CNTN6: variants seen among roughly 807,000 people sequenced by gnomAD.
CNTN6 encodes the protein contactin 6.
CNTN6 carries 137 observed loss-of-function variants against 122.8 expected under a neutral mutation model. The ratio of observed to expected loss-of-function variants is 1.12; its 90% CI spans 0.97 to 1.29. CNTN6 has a LOEUF of 1.29. Ranked by LOEUF, CNTN6 falls within the 50% of genes most tolerant of loss-of-function variation. CNTN6 has a pLI of 0.00. For missense variants in CNTN6, 1,634 were observed against 1,223.4 expected (o/e 1.34, Z -5.01); for synonymous variants, 570 against 426.0 (o/e 1.34, Z -4.16).
chr3:1,305,489 A>C (rs1207101015), intron 7 of CNTN6, among the ~76,000 whole-genome samples: 3 of 152,132 alleles, frequency 2.0e-5, no homozygotes, highest in African/African-American at 7.2e-5. Context: ...AATTAATTGT[A>C]TTGTGAAATA....
chr3:1,262,664 G>A (rs1218377744), intron 4 of CNTN6, among the ~76,000 whole-genome samples: 5 of 152,078 alleles, frequency 3.3e-5, no homozygotes, highest in Admixed American at 3.3e-4. Flanking sequence ...AGGCCTTATG[G>A]CATTGTGCTA....
At chr3:1,119,905 C>G (rs1018081732) in intron 1 of CNTN6, among the ~76,000 whole-genome samples, 2 of 151,980 alleles carry the variant, frequency 1.3e-5, no homozygotes, top group Non-Finnish European at 2.9e-5. Context: ...CATTTCTTGC[C>G]TACAATGACT....
At chr3:1,199,578 TA>T (rs903139303) in intron 2 of CNTN6, among the ~76,000 whole-genome samples, 2 of 151,302 alleles carry the variant, frequency 1.3e-5, no homozygotes, top group African/African-American at 4.9e-5. Flanking sequence ...ATTTGAAATG[TA>T]AAAAAAAATG....
At chr3:1,111,923 C>T (rs1031132822) in intron 1 of CNTN6, among the ~76,000 whole-genome samples, 30 of 152,096 alleles carry the variant, frequency 2.0e-4, no homozygotes, top group African/African-American at 7.2e-4. Context: ...CTAATATATA[C>T]ATATTATATT....
chr3:1,223,015 T>A (rs112478269), intron 3 of CNTN6, among the ~76,000 whole-genome samples: 1 of 152,194 alleles, frequency 6.6e-6, no homozygotes, highest in Admixed American at 6.5e-5. Flanking sequence ...GTATTTCAGA[T>A]AACGTGCATT....
chr3:1,258,046 T>C (rs1395429898), intron 4 of CNTN6, among the ~76,000 whole-genome samples: 2 of 152,126 alleles, frequency 1.3e-5, no homozygotes, highest in African/African-American at 4.8e-5. Flanking sequence ...ATTTCCTATA[T>C]CAGCTCCATC....
intron 1 of CNTN6, among the ~76,000 whole-genome samples, chr3:1,142,074 A>G (rs911648964): frequency 3.3e-5 from 5 of 152,168 alleles, no homozygotes; most frequent in Admixed American, 3.3e-4. Flanking sequence ...GCCACCTTCC[A>G]GAATTTTCCT....
chr3:1,346,084 ATTTC>A (rs1429939262), intron 11 of CNTN6, among the ~76,000 whole-genome samples: 1 of 151,876 alleles, frequency 6.6e-6, no homozygotes, highest in Non-Finnish European at 1.5e-5. Context: ...AATCTGGAGC[ATTTC>A]TTATTTTCCA....
At chr3:1,206,851 TA>T (rs1209093685) in intron 2 of CNTN6, among the ~76,000 whole-genome samples, 2 of 152,152 alleles carry the variant, frequency 1.3e-5, no homozygotes, top group Non-Finnish European at 2.9e-5. Context: ...TCAGCTTCTT[TA>T]ATTTTAGATT....
At chr3:1,143,034 TCAAC>T (rs5846092) in intron 1 of CNTN6, among the ~76,000 whole-genome samples, 49,487 of 145,464 alleles carry the variant, frequency 0.34, 8,783 homozygotes, top group South Asian at 0.54. Context: ...ACACTTATCA[TCAAC>T]CAACATCTCT....
chr3:1,248,242 A>G lies in CNTN6; in HGVS notation c.358+20249A>G, dbSNP rs377407974. 5.9e-5 allele frequency among the ~76,000 whole-genome samples: 9 copies of G among 152,152 alleles called. No individual in the cohort carries two copies. In the East Asian group the frequency reaches 1.5e-3, roughly 26 times the overall value. ...CTAGTTCTCAAATTGATGTAAGTACATTTATGTTACTTTCTTCTCTATTTT... is the reference window on the plus strand; with the variant it reads ...CTAGTTCTCAAATTGATGTAAGTACGTTTATGTTACTTTCTTCTCTATTTT... On this transcript the variant is annotated intron_variant, in intron 4 of 22. Transcript: ENST00000446702.
chr3:1,317,203 A>C (rs1318251766), intron 7 of CNTN6, among the ~76,000 whole-genome samples: 3 of 151,924 alleles, frequency 2.0e-5, no homozygotes, highest in Middle Eastern at 3.4e-3. Flanking sequence ...TCTTATTTAA[A>C]AGGTTTTTAT....
Position 1,402,374 on chromosome 3 carries a change from A to G in CNTN6, c.2874A>G (p.Thr958=). 1 of 1,612,548 alleles carries G rather than the reference A, an allele frequency of 6.2e-7. No homozygotes were observed. Among genetic ancestry groups the G allele is most frequent in the Non-Finnish European group, 8.5e-7 (1 of 1,179,094 alleles). ...CTCATATTTTGGAAACAAACAATACATCAGCTGAGCTTCTGGTTCCATTTG... is the reference window on the plus strand; with the variant it reads ...CTCATATTTTGGAAACAAACAATACGTCAGCTGAGCTTCTGGTTCCATTTG... ...SKTHILETNN[T]SAELLVPFEE... The change falls in exon 22 of 23, where the codon ACA becomes ACG. Residue 958 remains threonine, a synonymous_variant. Coordinates refer to ENST00000446702, the MANE Select transcript of CNTN6 (RefSeq NM_001289080.2).
chr3:1,141,935 C>T (rs1023618111), intron 1 of CNTN6, among the ~76,000 whole-genome samples: 2 of 152,048 alleles, frequency 1.3e-5, no homozygotes, highest in Non-Finnish European at 2.9e-5. Context: ...CTAGTTCTCA[C>T]TGGAAAAAAT....
At chr3:1,323,773 C>A (rs981059274) in intron 8 of CNTN6, among the ~76,000 whole-genome samples, 1 of 151,664 alleles carries the variant, frequency 6.6e-6, no homozygotes, top group Non-Finnish European at 1.5e-5. Context: ...AAAACTCAAA[C>A]CTGTATGGTA....
At chr3:1,159,320 A>G (rs987998760) in intron 2 of CNTN6, among the ~76,000 whole-genome samples, 1 of 152,018 alleles carries the variant, frequency 6.6e-6, no homozygotes, top group African/African-American at 2.4e-5. Context: ...TGGGTAGCAT[A>G]CACAGCGGGG....
intron 4 of CNTN6, among the ~76,000 whole-genome samples, chr3:1,241,207 G>A (rs370801238): frequency 5.3e-5 from 8 of 152,118 alleles, no homozygotes; most frequent in South Asian, 2.1e-4. Context: ...CAGGGGATGC[G>A]ATGGCCTGGC....
At chr3:1,340,119 G>A (rs966798438) in intron 11 of CNTN6, among the ~76,000 whole-genome samples, 24 of 152,092 alleles carry the variant, frequency 1.6e-4, no homozygotes, top group African/African-American at 5.5e-4. Context: ...GCATCATACC[G>A]CGATCAGTAA....
intron 4 of CNTN6, among the ~76,000 whole-genome samples, chr3:1,265,751 A>G (rs973773033): frequency 3.9e-5 from 6 of 152,178 alleles, no homozygotes; most frequent in African/African-American, 1.4e-4. Context: ...GTCTCCTGAT[A>G]TGCCATGTCC....
Sources: allele counts gnomAD v4.1 joint callset (sites outside exome capture counted in the v4.1 genomes callset), GRCh38; gene constraint gnomAD v4.1.1; transcripts MANE v1.5; gene names NCBI Gene and HGNC (gene_info 2026-07-23, HGNC 2026-07-21).